DENND2B: variants seen among roughly 807,000 people sequenced by gnomAD.
DENND2B encodes the protein DENN domain-containing protein 2B.
In DENND2B, 32 loss-of-function variants were observed where a neutral mutation model predicts 116.0. The ratio of observed to expected loss-of-function variants is 0.28; its 90% CI spans 0.21 to 0.37. The LOEUF (loss-of-function observed/expected upper bound fraction) is 0.37. Ranked by LOEUF, DENND2B falls within the 10% of genes least tolerant of loss-of-function variation. The pLI is 1.00. For synonymous variants in DENND2B, 588 were observed against 583.9 expected (o/e 1.01, Z -0.10); for missense variants, 1,276 against 1,477.7 (o/e 0.86, Z 2.24).
intron 1 of DENND2B, among the ~76,000 whole-genome samples, chr11:8,793,268 T>G (rs2059541480): frequency 6.6e-6 from 1 of 152,248 alleles, no homozygotes; most frequent in South Asian, 2.1e-4. Context: ...CACAATGTTG[T>G]GCAACCATTA....
chr11:8,745,436 T>G (rs1171040013), intron 2 of DENND2B, among the ~76,000 whole-genome samples: 6 of 152,126 alleles, frequency 3.9e-5, no homozygotes, highest in African/African-American at 1.4e-4. Context: ...GACCTGAGAT[T>G]TTAGGGGAGA....
At chr11:8,900,567 C>T (rs930551745) in intron 1 of DENND2B, among the ~76,000 whole-genome samples, 2 of 151,634 alleles carry the variant, frequency 1.3e-5, no homozygotes, top group Admixed American at 6.6e-5. Flanking sequence ...CCATTGCAGT[C>T]CAGCCTGGGT....
Position 8,730,072 on chromosome 11 carries a change from G to T in DENND2B, c.1218C>A (p.Pro406=), listed in dbSNP as rs1463097694. ...TGGGTGAAGGAGGTAGACCATTACTGGGCTTACTCTTGGGGTTCTTGTCAG... is the reference window on the plus strand; with the variant it reads ...TGGGTGAAGGAGGTAGACCATTACTTGGCTTACTCTTGGGGTTCTTGTCAG... ...YEADKNPKSK[P]SNGLPPSPTP... is the part of the protein sequence containing the mutation. Residue 406 remains proline (P), a synonymous_variant, in exon 3 of 20, where the codon CCC becomes CCA. Coordinates refer to ENST00000313726, the MANE Select transcript of DENND2B (RefSeq NM_213618.2). The surrounding 1 kb of genome is among the most constrained non-coding windows in gnomAD (Gnocchi z 4.1). The T allele has an allele frequency of 1.2e-6, 2 of 1,614,180 alleles. No individual in the cohort carries two copies. Among genetic ancestry groups the T allele is most frequent in the East Asian group, 4.5e-5 (2 of 44,884 alleles).
chr11:8,840,051 AAAGG>A (rs771923705), intron 3 of DENND2B, among the ~76,000 whole-genome samples: 5 of 152,022 alleles, frequency 3.3e-5, no homozygotes, highest in African/African-American at 4.8e-5. Context: ...AGCACAGACA[AAAGG>A]AAGGAGTGAC....
At chr11:8,737,706 C>T (rs558593000) in intron 2 of DENND2B, among the ~76,000 whole-genome samples, 102 of 151,706 alleles carry the variant, frequency 6.7e-4, no homozygotes, top group African/African-American at 2.4e-3. Flanking sequence ...CTTCCTCCCT[C>T]CCTCCTTTCT....
At chr11:8,764,692 G>C (rs901909470) in intron 1 of DENND2B, among the ~76,000 whole-genome samples, 1 of 152,086 alleles carries the variant, frequency 6.6e-6, no homozygotes, top group African/African-American at 2.4e-5. Context: ...AAAGGGGCTG[G>C]GCATGGTGGC....
chr11:8,890,575 T>G (rs1462951258), intron 1 of DENND2B, among the ~76,000 whole-genome samples: 1 of 151,996 alleles, frequency 6.6e-6, no homozygotes, highest in East Asian at 1.9e-4. Flanking sequence ...AACCATGGCA[T>G]GAGAACTACG....
intron 1 of DENND2B, chr11:8,774,003 G>A: frequency 1.8e-6 from 1 of 559,734 alleles, no homozygotes; most frequent in Non-Finnish European, 2.3e-6. Flanking sequence ...ATGAAGCTTT[G>A]GATGTGTTGC....
chr11:8,795,448 T>G (rs1373810424), intron 1 of DENND2B, among the ~76,000 whole-genome samples: 1 of 152,138 alleles, frequency 6.6e-6, no homozygotes, highest in Non-Finnish European at 1.5e-5. Context: ...ATGCAAATTT[T>G]TACTAAAAAA....
At chr11:8,694,162 C>A (rs751707216) in intron 19 of DENND2B, 32 bp from the exon 20 acceptor site, 1 of 1,613,656 alleles carries the variant, frequency 6.2e-7, no homozygotes, top group African/African-American at 1.3e-5. Flanking sequence ...AGAGAATGTT[C>A]AGTGTTATCC....
chr11:8,818,229 C>T lies in DENND2B; in HGVS notation c.-114-6894G>A, dbSNP rs11042084. Among the ~76,000 whole-genome samples, 76 of 150,126 alleles carry T rather than the reference C, an allele frequency of 5.1e-4. No individual in the cohort carries two copies. The East Asian group carries it at 0.015, about 30-fold the overall frequency. ...AGTGAGCTGAGATCACACCACCGTACTCCAGCCTGGGCAACACAGTGAGAC... is the reference window on the plus strand; with the variant it reads ...AGTGAGCTGAGATCACACCACCGTATTCCAGCCTGGGCAACACAGTGAGAC... On this transcript the variant is annotated intron_variant, in intron 4 of 6. Transcript: ENST00000524757.
chr11:8,721,306 A>G (rs1430483974), intron 4 of DENND2B, among the ~76,000 whole-genome samples: 1 of 134,630 alleles, frequency 7.4e-6, no homozygotes, highest in Non-Finnish European at 1.7e-5. Context: ...CCTCTCCACA[A>G]CCTTTCACTC....
At chr11:8,802,299 G>GGA (rs113600243) in intron 1 of DENND2B, among the ~76,000 whole-genome samples, 1 of 144,542 alleles carries the variant, frequency 6.9e-6, no homozygotes, top group East Asian at 2.0e-4. Context: ...ACTCTGTCTG[G>GGA]AAAAAAAAAA....
chr11:8,874,897 C>T (rs957146110), upstream of DENND2B, among the ~76,000 whole-genome samples: 6 of 152,142 alleles, frequency 3.9e-5, no homozygotes, highest in Non-Finnish European at 1.5e-5. Flanking sequence ...TGCACTTCAG[C>T]CTGGGCGGCA....
chr11:8,730,031 G>A lies in DENND2B; in HGVS notation c.1259C>T (p.Pro420Leu). ...CGGGGCTGGGGTGGAGGGCAAGGGA[G>A]GTGGAGCAGCAGGTGTGGGTGAAGG... Reference protein sequence around the residue: ...LPPSPTPAAPPPLPSTPAPPV... With the variant: ...LPPSPTPAAPLPLPSTPAPPV... Residue 420 changes from proline (P) to leucine (L), a missense_variant, in exon 3 of 20, where the codon CCT (proline) becomes CTT (leucine). Transcript: ENST00000313726. The surrounding 1 kb of genome is among the most constrained non-coding windows in gnomAD (Gnocchi z 4.1). 1.2e-6 allele frequency: 2 copies of A among 1,614,202 alleles called. No individual in the cohort carries two copies. The highest frequency in any genetic ancestry group is 1.7e-6 in the Non-Finnish European group (2 of 1,180,018).
chr11:8,893,363 C>G (rs192880728), intron 1 of DENND2B, among the ~76,000 whole-genome samples: 1 of 152,342 alleles, frequency 6.6e-6, no homozygotes, highest in East Asian at 1.9e-4. Context: ...TCTCTCACCA[C>G]TCCTATTCAA....
intron 3 of DENND2B, among the ~76,000 whole-genome samples, chr11:8,842,194 C>G (rs2062648241): frequency 6.6e-6 from 1 of 152,070 alleles, no homozygotes; most frequent in South Asian, 2.1e-4. Flanking sequence ...CTCTCCTGTC[C>G]TCCCAAAAAA....
intron 4 of DENND2B, among the ~76,000 whole-genome samples, chr11:8,825,900 C>A (rs995111073): frequency 2.6e-5 from 4 of 152,160 alleles, no homozygotes; most frequent in Non-Finnish European, 5.9e-5. Context: ...TCATGTCCTA[C>A]TCTGCTCCAT....
upstream of DENND2B, among the ~76,000 whole-genome samples, chr11:8,875,078 C>T (rs889406837): frequency 2.0e-5 from 3 of 152,126 alleles, no homozygotes; most frequent in Non-Finnish European, 2.9e-5. Flanking sequence ...AATCCCAGCA[C>T]TTTGGGAGGC....
Sources: allele counts gnomAD v4.1 joint callset (sites outside exome capture counted in the v4.1 genomes callset), GRCh38; gene constraint gnomAD v4.1.1; non-coding constraint Gnocchi (gnomAD v3.1); transcripts MANE v1.5; gene names NCBI Gene and HGNC (gene_info 2026-07-23, HGNC 2026-07-21).